BMPR1B: variants seen among roughly 807,000 people sequenced by gnomAD.
BMPR1B encodes the protein bone morphogenetic protein receptor type 1B.
BMPR1B carries 12 observed loss-of-function variants against 59.1 expected under a neutral mutation model. That is an observed-to-expected ratio of 0.20 (90% CI 0.13 to 0.33). The LOEUF (loss-of-function observed/expected upper bound fraction) is 0.33, where lower values mean the gene tolerates loss of function less well. Ranked by LOEUF, BMPR1B falls within the 10% of genes least tolerant of loss-of-function variation. BMPR1B has a pLI of 1.00. For synonymous variants in BMPR1B, 237 were observed against 207.3 expected, an observed-to-expected ratio of 1.14 and a Z score of -1.23; for missense variants, 550 against 610.9, an observed-to-expected ratio of 0.90 and a Z score of 1.05.
intron 2 of BMPR1B, among the ~76,000 whole-genome samples, chr4:94,927,231 C>A (rs1034966403): frequency 1.3e-5 from 2 of 152,134 alleles, no homozygotes; most frequent in African/African-American, 4.8e-5. Flanking sequence ...CAATTAAATT[C>A]AGCAAATAAT....
chr4:94,860,751 C>A (rs1725945750), intron 1 of BMPR1B, among the ~76,000 whole-genome samples: 2 of 152,156 alleles, frequency 1.3e-5, no homozygotes, highest in South Asian at 4.1e-4. Context: ...AGAGCTGAGT[C>A]TTCTTATGTA....
At chr4:94,814,807 C>T (rs1400891630) in intron 1 of BMPR1B, among the ~76,000 whole-genome samples, 1 of 152,046 alleles carries the variant, frequency 6.6e-6, no homozygotes, top group East Asian at 1.9e-4. Context: ...GATATATTTA[C>T]CACACAAAAT....
At chr4:94,926,062 C>A (rs932446474) in intron 2 of BMPR1B, among the ~76,000 whole-genome samples, 1 of 85,416 alleles carries the variant, frequency 1.2e-5, no homozygotes, top group East Asian at 3.1e-4. Context: ...TCCCTCCCCC[C>A]CAATCCCTCC....
intron 2 of BMPR1B, among the ~76,000 whole-genome samples, chr4:94,989,317 C>T (rs763230878): frequency 1.1e-4 from 16 of 148,772 alleles, no homozygotes; most frequent in East Asian, 1.0e-3. Context: ...TGAATCCAGG[C>T]GGTGGAGGTT....
intron 3 of BMPR1B, among the ~76,000 whole-genome samples, chr4:95,006,390 A>AG (rs954021118): frequency 1.3e-5 from 2 of 151,046 alleles, no homozygotes; most frequent in African/African-American, 4.9e-5. Flanking sequence ...AAAAAAAAAA[A>AG]GTTTTATTTA....
At position 94,770,186 on chromosome 4, in the gene BMPR1B, GTT is replaced by G. The variant is rs56902521; in HGVS notation, c.-183+12135_-183+12136del. Among the ~76,000 whole-genome samples the G allele has an allele frequency of 4.1e-3, 223 of 54,126 alleles. 5 individuals carry two copies. Among genetic ancestry groups the G allele is most frequent in the African/African-American group, 0.014 (216 of 15,952 alleles). The allele number at this position is 54,126 out of a possible 152,430, so 35.5% of individuals were successfully genotyped here. On this transcript the variant is annotated intron_variant, in intron 1 of 12. Coordinates refer to ENST00000515059, the MANE Select transcript of BMPR1B (RefSeq NM_001203.3). ...TGAATTGTCCTTCGTTTCTGTGTTT[GTT>G]TTTTTTTTTTTTTTTTGCGAAAGCA...
chr4:95,095,906 A>G (rs1290800134), intron 3 of BMPR1B, among the ~76,000 whole-genome samples: 1 of 151,864 alleles, frequency 6.6e-6, no homozygotes, highest in Non-Finnish European at 1.5e-5. Context: ...ACTCATAAGA[A>G]TATTACTAAA....
intron 3 of BMPR1B, among the ~76,000 whole-genome samples, chr4:95,066,201 A>G (rs566230975): frequency 2.0e-5 from 3 of 152,322 alleles, no homozygotes; most frequent in East Asian, 3.9e-4. Flanking sequence ...AGAGGTGTCT[A>G]TTACTTTTCT....
At chr4:94,996,906 G>C (rs946975019) in intron 3 of BMPR1B, among the ~76,000 whole-genome samples, 1 of 152,176 alleles carries the variant, frequency 6.6e-6, no homozygotes, top group Non-Finnish European at 1.5e-5. Context: ...CGGTGCTGTA[G>C]CATGTTCATC....
At chr4:95,107,658 G>T (rs1417340758) in intron 4 of BMPR1B, among the ~76,000 whole-genome samples, 1 of 151,976 alleles carries the variant, frequency 6.6e-6, no homozygotes, top group Non-Finnish European at 1.5e-5. Flanking sequence ...ATCTATGTTT[G>T]CTAGGTGAGA....
At chr4:95,058,230 C>A (rs1274611070) in intron 3 of BMPR1B, among the ~76,000 whole-genome samples, 1 of 152,182 alleles carries the variant, frequency 6.6e-6, no homozygotes, top group Non-Finnish European at 1.5e-5. Context: ...TTCATTCAAT[C>A]AGATTCTGGG....
At chr4:94,965,628 A>G (rs565814447) in intron 2 of BMPR1B, among the ~76,000 whole-genome samples, 128 of 152,310 alleles carry the variant, frequency 8.4e-4, no homozygotes, top group African/African-American at 2.5e-3. Flanking sequence ...TGGAGAAAAC[A>G]TAGACAATTA....
At chr4:94,909,527 A>G (rs1482502127) in intron 2 of BMPR1B, among the ~76,000 whole-genome samples, 1 of 152,062 alleles carries the variant, frequency 6.6e-6, no homozygotes, top group African/African-American at 2.4e-5. Flanking sequence ...AAAGATTCCA[A>G]ATATGTAAAG....
At chr4:94,890,240 C>A (rs1727337705) in intron 2 of BMPR1B, among the ~76,000 whole-genome samples, 1 of 152,072 alleles carries the variant, frequency 6.6e-6, no homozygotes, top group Admixed American at 6.6e-5. Context: ...CATTCTCTTT[C>A]TGATGCTGCT....
intron 10 of BMPR1B, among the ~76,000 whole-genome samples, chr4:95,139,503 G>GC (rs1734055958): frequency 6.6e-6 from 1 of 152,236 alleles, no homozygotes; most frequent in Non-Finnish European, 1.5e-5. Context: ...GCTGTACTCT[G>GC]CCCCCAGAGG....
chr4:94,808,454 C>T (rs759712063), intron 1 of BMPR1B, among the ~76,000 whole-genome samples: 26 of 152,124 alleles, frequency 1.7e-4, no homozygotes, highest in Admixed American at 1.3e-4. Context: ...AATTACTCAG[C>T]CACTCCCACA....
chr4:94,914,075 G>T (rs1163684336), intron 2 of BMPR1B, among the ~76,000 whole-genome samples: 1 of 152,050 alleles, frequency 6.6e-6, no homozygotes, highest in Non-Finnish European at 1.5e-5. Flanking sequence ...ACCTATAGAG[G>T]TTTATTTCAC....
At chr4:94,886,616 C>T (rs1408169036) in intron 2 of BMPR1B, among the ~76,000 whole-genome samples, 1 of 152,232 alleles carries the variant, frequency 6.6e-6, no homozygotes, top group Non-Finnish European at 1.5e-5. Context: ...ACAGTAACCT[C>T]TTCAAATCTC....
intron 3 of BMPR1B, among the ~76,000 whole-genome samples, chr4:95,046,131 C>T (rs568260713): frequency 6.6e-6 from 1 of 152,060 alleles, no homozygotes; most frequent in African/African-American, 2.4e-5. Context: ...TCTCGAACCC[C>T]TGGGCTCAAT....
Sources: gnomAD v4.1 joint callset for allele counts (sites outside exome capture counted in the v4.1 genomes callset) on GRCh38, gnomAD v4.1.1 for gene constraint, MANE v1.5 for transcripts, NCBI Gene and HGNC (gene_info 2026-07-23, HGNC 2026-07-21) for gene names.